The following CBLB variants were observed in gnomAD, a reference collection of about 807,000 sequenced individuals.
The protein encoded by CBLB is E3 ubiquitin-protein ligase CBL-B.
In CBLB, 31 loss-of-function variants were observed where a neutral mutation model predicts 104.9. That is an observed-to-expected ratio of 0.30 (90% confidence interval 0.22 to 0.40). The LOEUF (loss-of-function observed/expected upper bound fraction) is 0.40. Ranked by LOEUF, CBLB falls within the 10% of genes least tolerant of loss-of-function variation. The probability of loss-of-function intolerance (pLI) is 1.00; values close to 1 mark genes in which losing one functional copy is unlikely to be tolerated. For missense variants in CBLB, 1,062 were observed against 1,214.6 expected (o/e 0.87, Z 1.87); for synonymous variants, 440 against 422.6 (o/e 1.04, Z -0.51).
intron 9 of CBLB, among the ~76,000 whole-genome samples, chr3:105,725,533 T>A (rs2073480682): frequency 1.3e-5 from 2 of 152,208 alleles, no homozygotes; most frequent in African/African-American, 4.8e-5. Flanking sequence ...TACCAGATTT[T>A]ATTTTCTCAT....
intron 3 of CBLB, among the ~76,000 whole-genome samples, chr3:105,846,412 A>C (rs987472216): frequency 2.0e-5 from 3 of 152,084 alleles, no homozygotes; most frequent in African/African-American, 7.2e-5. Flanking sequence ...AAACCTTCTT[A>C]AGATTCTCTT....
At chr3:105,869,271 C>G (rs1706758655), upstream of CBLB, 4 of 871,670 alleles carry the variant, frequency 4.6e-6, no homozygotes, top group Non-Finnish European at 6.8e-6. Context: ...CCTGGACTCT[C>G]CCGGGAACGA....
chr3:105,665,144 T>C (rs1364074025), intron 18 of CBLB, among the ~76,000 whole-genome samples: 3 of 152,048 alleles, frequency 2.0e-5, no homozygotes, highest in Non-Finnish European at 1.5e-5. Flanking sequence ...GGCTCACGCC[T>C]ATAATCCTAG....
At chr3:105,861,590 T>C (rs1383169998) in intron 2 of CBLB, among the ~76,000 whole-genome samples, 2 of 151,706 alleles carry the variant, frequency 1.3e-5, no homozygotes, top group East Asian at 3.8e-4. Flanking sequence ...TCTTTTTCCC[T>C]TGCATCTTAG....
At chr3:105,770,603 G>A (rs920992815) in intron 4 of CBLB, among the ~76,000 whole-genome samples, 2 of 152,154 alleles carry the variant, frequency 1.3e-5, no homozygotes, top group Non-Finnish European at 1.5e-5. Context: ...AACAGAATGG[G>A]GAGGGAGGAG....
intron 3 of CBLB, among the ~76,000 whole-genome samples, chr3:105,837,743 AATG>A (rs1336396336): frequency 1.3e-5 from 2 of 152,334 alleles, no homozygotes; most frequent in Middle Eastern, 3.4e-3. Context: ...CATAAATAAT[AATG>A]ATATTACTAT....
At chr3:105,787,793 C>T (rs1333207024) in intron 3 of CBLB, among the ~76,000 whole-genome samples, 1 of 152,026 alleles carries the variant, frequency 6.6e-6, no homozygotes, top group Non-Finnish European at 1.5e-5. Flanking sequence ...TGTTCTTTAC[C>T]ATCACAGGCA....
intron 3 of CBLB, among the ~76,000 whole-genome samples, chr3:105,844,529 G>A (rs2089993349): frequency 3.9e-5 from 6 of 152,114 alleles, no homozygotes; most frequent in Admixed American, 3.9e-4. Context: ...GGCACTTTTT[G>A]TAATGATCTC....
At chr3:105,684,154 T>A (rs992865838) in intron 14 of CBLB, among the ~76,000 whole-genome samples, 1 of 152,140 alleles carries the variant, frequency 6.6e-6, no homozygotes, top group African/African-American at 2.4e-5. Context: ...AATTGCCATC[T>A]CCCCTATCCC....
At chr3:105,689,823 T>C (rs758976526) in intron 13 of CBLB, among the ~76,000 whole-genome samples, 7 of 152,014 alleles carry the variant, frequency 4.6e-5, no homozygotes, top group Non-Finnish European at 8.8e-5. Flanking sequence ...AATTTTATAT[T>C]TATAGCTAAG....
chr3:105,804,209 C>T (rs868671159), intron 3 of CBLB, among the ~76,000 whole-genome samples: 8 of 152,096 alleles, frequency 5.3e-5, no homozygotes, highest in Admixed American at 2.0e-4. Context: ...CGGATACACA[C>T]TGAATTTCAA....
At chr3:105,827,946 T>G (rs9820060) in intron 3 of CBLB, among the ~76,000 whole-genome samples, 1 of 152,156 alleles carries the variant, frequency 6.6e-6, no homozygotes, top group African/African-American at 2.4e-5. Context: ...TCTGTCAGCA[T>G]GGTAATGTAT....
chr3:105,685,531 G>T, intron 13 of CBLB, 65 bp from the exon 14 acceptor site: 2 of 1,327,950 alleles, frequency 1.5e-6, no homozygotes, highest in South Asian at 2.4e-5. Flanking sequence ...AGTCTGATGT[G>T]ACATATTCAA....
intron 3 of CBLB, among the ~76,000 whole-genome samples, chr3:105,811,104 A>C (rs556172614): frequency 1.3e-5 from 2 of 152,294 alleles, no homozygotes; most frequent in African/African-American, 4.8e-5. Context: ...AGTATTTTTC[A>C]GGAAACCTTA....
intron 14 of CBLB, among the ~76,000 whole-genome samples, chr3:105,682,739 G>A (rs2066472106): frequency 6.6e-6 from 1 of 152,110 alleles, no homozygotes; most frequent in Admixed American, 6.5e-5. Context: ...CTGGCCGCAA[G>A]TGATCTGCCT....
intron 4 of CBLB, among the ~76,000 whole-genome samples, chr3:105,763,616 C>A (rs1392399728): frequency 2.6e-5 from 4 of 152,156 alleles, no homozygotes; most frequent in African/African-American, 9.7e-5. Context: ...CATTAAACTT[C>A]TTTTTCTTTA....
rs925492063 is a variant in CBLB, at chr3:105,742,901, C to A, written c.846-2270G>T. On this transcript the variant is annotated intron_variant, in intron 6 of 18. Coordinates refer to ENST00000394030, the MANE Select transcript of CBLB (RefSeq NM_170662.5). ...TTTTAATTCATGTCCTTCTCTGTTGCTCTAAACATTGTTTTGGGATGGTGT... is the reference window on the plus strand; with the variant it reads ...TTTTAATTCATGTCCTTCTCTGTTGATCTAAACATTGTTTTGGGATGGTGT... 4.6e-5 allele frequency among the ~76,000 whole-genome samples: 7 copies of A among 152,022 alleles called. No homozygotes were observed. In the South Asian group the frequency reaches 1.2e-3, roughly 27 times the overall value.
At chr3:105,770,545 T>C (rs987985531) in intron 4 of CBLB, among the ~76,000 whole-genome samples, 2 of 152,062 alleles carry the variant, frequency 1.3e-5, no homozygotes, top group African/African-American at 2.4e-5. Flanking sequence ...TGAAAGAACC[T>C]CCCAACTGAA....
chr3:105,711,502 C>A (rs1303335410), intron 10 of CBLB, among the ~76,000 whole-genome samples: 1 of 152,048 alleles, frequency 6.6e-6, no homozygotes, highest in Non-Finnish European at 1.5e-5. Context: ...AAAATGCTTA[C>A]ACACATACTC....
Sources: gnomAD v4.1 joint callset for allele counts (sites outside exome capture counted in the v4.1 genomes callset) on GRCh38, gnomAD v4.1.1 for gene constraint, MANE v1.5 for transcripts, NCBI Gene and HGNC (gene_info 2026-07-23, HGNC 2026-07-21) for gene names.